The following SHF variants were observed in gnomAD, a reference collection of about 807,000 sequenced individuals.
SHF encodes the protein Src homology 2 domain containing F.
Under a neutral mutation model 42.4 loss-of-function variants are expected in SHF, and 30 were observed. The observed-to-expected ratio is 0.71, with a 90% CI of 0.53 to 0.96. SHF has a LOEUF of 0.96. Among genes scored for constraint, SHF ranks in the 40% least tolerant of loss-of-function variants. The pLI, the probability that SHF is intolerant of heterozygous loss-of-function variation, is 0.00. For missense variants in SHF, 598 were observed against 634.0 expected, an observed-to-expected ratio of 0.94 and a Z score of 0.61; for synonymous variants, 264 against 269.9, an observed-to-expected ratio of 0.98 and a Z score of 0.21.
intron 1 of SHF, among the ~76,000 whole-genome samples, chr15:45,199,392 G>T (rs1307429182): frequency 6.6e-6 from 1 of 152,184 alleles, no homozygotes; most frequent in Non-Finnish European, 1.5e-5. Flanking sequence ...GTGGCTATTT[G>T]CTAAAACTCA....
At chr15:45,196,097 G>GTTT (rs58593409) in intron 2 of SHF, among the ~76,000 whole-genome samples, 46 of 129,312 alleles carry the variant, frequency 3.6e-4, no homozygotes, top group South Asian at 7.3e-4. Flanking sequence ...CTGACTTCCT[G>GTTT]TTTTTTTTTT....
rs1201283070 is a variant in SHF at position 45,167,741 on chromosome 15, C to T, written c.*206G>A. ...GGGCTATCCTTTCTCTCCAGGGATTCCTCTTTCCCCAGCTCCAGACAACCC... is the reference window on the plus strand; with the variant it reads ...GGGCTATCCTTTCTCTCCAGGGATTTCTCTTTCCCCAGCTCCAGACAACCC... On this transcript the variant is annotated 3_prime_UTR_variant, in exon 7 of 7. Coordinates refer to ENST00000690270, the MANE Select transcript of SHF (RefSeq NM_001394037.1). 7.2e-6 allele frequency: 3 copies of T among 417,410 alleles called. No homozygotes were observed. Among genetic ancestry groups the T allele is most frequent in the African/African-American group, 2.0e-5 (1 of 49,038 alleles). The allele number at this position is 417,410 out of a possible 1,614,324, so 25.9% of individuals were successfully genotyped here.
At chr15:45,200,324 G>T (rs1899033750) in intron 1 of SHF, 1 of 167,936 alleles carries the variant, frequency 6.0e-6, no homozygotes. Context: ...GGGAATCGGG[G>T]TCCATTTTCC....
At chr15:45,193,784 T>G (rs1353216580) in intron 2 of SHF, among the ~76,000 whole-genome samples, 1 of 152,116 alleles carries the variant, frequency 6.6e-6, no homozygotes, top group Non-Finnish European at 1.5e-5. Flanking sequence ...GCAGGCTTCA[T>G]GCAGGACAGG....
upstream of SHF, among the ~76,000 whole-genome samples, chr15:45,189,722 A>G (rs1417196366): frequency 6.8e-6 from 1 of 148,120 alleles, no homozygotes; most frequent in Non-Finnish European, 1.5e-5. Flanking sequence ...AAAAGCCAAG[A>G]GGCCCCAAAG....
chr15:45,173,558 A>G lies in SHF; in HGVS notation c.988+18T>C, dbSNP rs1290748002. 3.4e-6 allele frequency: 5 copies of G among 1,479,376 alleles called. No homozygotes were observed. In the East Asian group the frequency reaches 1.2e-4, roughly 37 times the overall value. The allele number at this position is 1,479,376 out of a possible 1,614,324, so 91.6% of individuals were successfully genotyped here. ...GGTGAGGACATGTCACCCTGGCCAG[A>G]AGCCCCCCAGGACCCACCGCTGCTG... On this transcript the variant is annotated intron_variant, in intron 4 of 6. Coordinates refer to ENST00000690270, the MANE Select transcript of SHF (RefSeq NM_001394037.1).
exon 2 of SHF, chr15:45,198,898 G>C (rs1898971750): frequency 4.3e-6 from 7 of 1,613,934 alleles, no homozygotes; most frequent in Non-Finnish European, 5.9e-6. Context: ...TGGGCTCCCG[G>C]TGAGCGCAGT....
intron 6 of SHF, 66 bp downstream of exon 6, chr15:45,171,817 A>C (rs1036574091): frequency 6.5e-7 from 1 of 1,544,266 alleles, no homozygotes; most frequent in Non-Finnish European, 8.8e-7. Flanking sequence ...GTTGGGCATA[A>C]GGGGAATACT....
At chr15:45,194,633 T>C (rs545245455) in intron 2 of SHF, among the ~76,000 whole-genome samples, 1 of 152,144 alleles carries the variant, frequency 6.6e-6, no homozygotes, top group South Asian at 2.1e-4. Flanking sequence ...ATTACAGGCG[T>C]GAGCCACTGC....
At chr15:45,185,295 CATAAA>C (rs1434439544) in intron 1 of SHF, among the ~76,000 whole-genome samples, 2 of 152,348 alleles carry the variant, frequency 1.3e-5, no homozygotes, top group African/African-American at 2.4e-5. Flanking sequence ...CCACATAGTA[CATAAA>C]CACCAGCTCC....
chr15:45,186,136 T>G (rs1898383825), intron 1 of SHF, among the ~76,000 whole-genome samples: 1 of 152,180 alleles, frequency 6.6e-6, no homozygotes, highest in Non-Finnish European at 1.5e-5. Flanking sequence ...CATCACACAA[T>G]AGCAGGGGAC....
At chr15:45,172,114 G>A (rs1344734953) in intron 5 of SHF, 33 bp downstream of exon 5, 1 of 1,613,874 alleles carries the variant, frequency 6.2e-7, no homozygotes, top group East Asian at 2.2e-5. Flanking sequence ...GGAGGAGTGG[G>A]GAGGGAGTCC....
At position 45,187,437 on chromosome 15, in the gene SHF, C is replaced by G. The variant is rs1898484750; in HGVS notation, c.498+17G>C. ...CCGCCTTCCCTCCTGGCCATCCCGG[C>G]CCGGCGCGGCACTCACCCTATCGCT... On this transcript the variant is annotated intron_variant, in intron 1 of 6. Transcript: ENST00000690270. 8.1e-7 allele frequency: 1 copy of G among 1,231,938 alleles called. No individual in the cohort carries two copies. Among genetic ancestry groups the G allele is most frequent in the South Asian group, 4.1e-5 (1 of 24,346 alleles). The allele number at this position is 1,231,938 out of a possible 1,614,324, so 76.3% of individuals were successfully genotyped here. A position where few individuals can be genotyped will look rare whatever the true frequency, so the allele number is the denominator to read the frequency against.
At chr15:45,168,673 A>G (rs1299389653) in intron 6 of SHF, among the ~76,000 whole-genome samples, 1 of 152,176 alleles carries the variant, frequency 6.6e-6, no homozygotes, top group Admixed American at 6.5e-5. Context: ...AAGACCCCCC[A>G]AAATCTGGGA....
At chr15:45,174,204 C>T (rs1316753420) in intron 3 of SHF, 1 of 190,608 alleles carries the variant, frequency 5.2e-6, no homozygotes, top group Non-Finnish European at 1.1e-5. Context: ...GTCAGGATTA[C>T]TCAGACTTGA....
In SHF at chr15:45,172,918, G is replaced by A. The variant is rs7164236; in HGVS notation, c.989-600C>T. Reference sequence around the variant, plus strand: ...AGCACCTCTGCCCTCCCAGACCAGGGGAGCCTGATGGCTGAGCCCATAAGG... The same window carrying A: ...AGCACCTCTGCCCTCCCAGACCAGGAGAGCCTGATGGCTGAGCCCATAAGG... On this transcript the variant is annotated intron_variant, in intron 4 of 6. Transcript: ENST00000690270. Among the ~76,000 whole-genome samples, 848 of 152,268 alleles carry A rather than the reference G, an allele frequency of 5.6e-3. 9 individuals are homozygous for A. The highest frequency in any genetic ancestry group is 0.019 in the African/African-American group (809 of 41,550).
chr15:45,186,312 G>C (rs1432231620), intron 1 of SHF, among the ~76,000 whole-genome samples: 4 of 152,254 alleles, frequency 2.6e-5, no homozygotes, highest in African/African-American at 9.6e-5. Context: ...CTCTCATCCA[G>C]GAAATCTGGC....
At chr15:45,190,488 T>C (rs1289447824), upstream of SHF, among the ~76,000 whole-genome samples, 1 of 152,124 alleles carries the variant, frequency 6.6e-6, no homozygotes. Flanking sequence ...GTGATAATCA[T>C]TGTGTGAGGA....
At chr15:45,193,507 G>A (rs1346671639) in intron 2 of SHF, among the ~76,000 whole-genome samples, 1 of 152,166 alleles carries the variant, frequency 6.6e-6, no homozygotes, top group African/African-American at 2.4e-5. Context: ...GCCTTAGTCT[G>A]GTTTAGTGAA....
Sources: gnomAD v4.1 joint callset for allele counts (sites outside exome capture counted in the v4.1 genomes callset) on GRCh38, gnomAD v4.1.1 for gene constraint, MANE v1.5 for transcripts, NCBI Gene and HGNC (gene_info 2026-07-23, HGNC 2026-07-21) for gene names.